ATP5F1B: variants seen among roughly 807,000 people sequenced by gnomAD.
ATP5F1B encodes ATP synthase F(1) complex subunit beta, mitochondrial.
ATP5F1B carries 17 observed loss-of-function variants against 45.9 expected under a neutral mutation model. The ratio of observed to expected loss-of-function variants is 0.37; its 90% CI spans 0.25 to 0.56. The LOEUF (loss-of-function observed/expected upper bound fraction) is 0.56, where lower values mean the gene tolerates loss of function less well. ATP5F1B is among the 20% of genes least tolerant of loss of function. The pLI is 0.80. For synonymous variants in ATP5F1B, 218 were observed against 256.5 expected (o/e 0.85, Z 1.43); for missense variants, 387 against 673.2 (o/e 0.57, Z 4.70).
At chr12:56,645,812 T>A (rs1371788114) in intron 1 of ATP5F1B, 25 bp downstream of exon 1, 12 of 1,603,786 alleles carry the variant, frequency 7.5e-6, no homozygotes, top group Non-Finnish European at 1.0e-5. Flanking sequence ...AAATGGAACG[T>A]TAGCTCCTAG....
chr12:56,643,533 T>C lies in ATP5F1B; in HGVS notation c.662A>G (p.Asn221Ser), dbSNP rs1249854938. ...ACCACCATGGGCTTTGGCGACATTG[T>C]TGATTAACTCCATGATCAGTACAGT... ...GKTVLIMELI[N>S]NVAKAHGGYS... Residue 221 changes from asparagine to serine, a missense_variant, in exon 5 of 10, where the codon AAC becomes AGC. This residue lies in a region of ATP5F1B where 154 missense variants were observed against 361.4 expected (regional missense o/e 0.43). Transcript: ENST00000262030. The C allele has an allele frequency of 2.5e-6, 4 of 1,614,182 alleles. No individual in the cohort carries two copies. Among genetic ancestry groups the C allele is most frequent in the East Asian group, 2.2e-5 (1 of 44,886 alleles).
intron 6 of ATP5F1B, 34 bp downstream of exon 6, chr12:56,642,639 G>A: frequency 6.2e-7 from 1 of 1,614,028 alleles, no homozygotes; most frequent in East Asian, 2.2e-5. Flanking sequence ...AGAAAGGCCA[G>A]ATGAACCAGG....
chr12:56,645,487 C>A, intron 1 of ATP5F1B, 134 bp from the exon 2 acceptor site: 1 of 1,089,106 alleles, frequency 9.2e-7, no homozygotes, highest in Non-Finnish European at 1.3e-6. Context: ...AACGCGTGTC[C>A]AAGAGGGAAG....
intron 4 of ATP5F1B, 125 bp from the exon 5 acceptor site, chr12:56,643,712 C>T: frequency 6.3e-7 from 1 of 1,575,004 alleles, no homozygotes; most frequent in Non-Finnish European, 8.7e-7. Flanking sequence ...CTTCAGCAAA[C>T]TCAGAAGAAC....
intron 1 of ATP5F1B, 148 bp from the exon 2 acceptor site, chr12:56,645,501 G>A (rs1951542825): frequency 3.9e-6 from 4 of 1,016,820 alleles, no homozygotes; most frequent in Non-Finnish European, 5.6e-6. Context: ...AGGGAAGGCC[G>A]CGCAGCGATC....
At position 56,643,955 on chromosome 12, in the gene ATP5F1B, A is replaced by G. The variant is rs1461420427; in HGVS notation, c.489T>C (p.Phe163=). The change falls in exon 4 of 10, where the codon TTT becomes TTC. Residue 163 remains phenylalanine, a synonymous_variant. Transcript: ENST00000262030. Reference sequence around the variant, plus strand: ...CTGGAGCCTCAGCATGAATGGGAGCAAATCTGTAAAGGTAGAAGAGAGGAT... The same window carrying G: ...CTGGAGCCTCAGCATGAATGGGAGCGAATCTGTAAAGGTAGAAGAGAGGAT... ...DERGPIKTKQ[F]APIHAEAPEF... 6.2e-7 allele frequency: 1 copy of G among 1,613,908 alleles called. No homozygotes were observed. Among genetic ancestry groups the G allele is most frequent in the Non-Finnish European group, 8.5e-7 (1 of 1,179,988 alleles).
Position 56,642,778 on chromosome 12 carries a change from T to C in ATP5F1B, c.846A>G (p.Val282=), listed in dbSNP as rs1448550997. The change falls in exon 6 of 10, where the codon GTA becomes GTG. Residue 282 remains valine, a synonymous_variant. Transcript: ENST00000262030. ...CAGCCACAGTCAGCCCAGTCAGAGC[T>C]ACCCGGGCACGAGCACCAGGTGGTT... ...MNEPPGARAR[V]ALTGLTVAEY... 5 of 1,614,030 alleles carry C rather than the reference T, an allele frequency of 3.1e-6. No individual in the cohort carries two copies. Among genetic ancestry groups the C allele is most frequent in the Non-Finnish European group, 4.2e-6 (5 of 1,180,016 alleles).
intron 8 of ATP5F1B, among the ~76,000 whole-genome samples, 195 bp downstream of exon 8, chr12:56,639,781 AAAAG>A (rs1205022663): frequency 3.3e-5 from 5 of 152,078 alleles, no homozygotes; most frequent in African/African-American, 7.2e-5. Context: ...AAAAAAAAAA[AAAAG>A]AAAGAAAAAT....
Position 56,644,784 on chromosome 12 carries a change from T to G in ATP5F1B, c.482A>C (p.Lys161Thr). Residue 161 changes from lysine to threonine, a missense_variant, in exon 3 of 10, where the codon AAA becomes ACA. By Grantham distance (78) the Lys-to-Thr change is moderately conservative. This residue lies in a region of ATP5F1B where 113 missense variants were observed against 168.0 expected (regional missense o/e 0.67). Coordinates refer to ENST00000262030, the MANE Select transcript of ATP5F1B (RefSeq NM_001686.4). ...AGATGCAATAAGAGCAACTTACTGTTTGGTTTTGATGGGACCTCTTTCATC... is the reference window on the plus strand; with the variant it reads ...AGATGCAATAAGAGCAACTTACTGTGTGGTTTTGATGGGACCTCTTTCATC... ...PIDERGPIKT[K>T]QFAPIHAEAP... The G allele has an allele frequency of 6.2e-7, 1 of 1,610,546 alleles. No individual in the cohort carries two copies. Among genetic ancestry groups the G allele is most frequent in the Admixed American group, 1.7e-5 (1 of 59,646 alleles).
intron 9 of ATP5F1B, 28 bp from the exon 10 acceptor site, chr12:56,638,451 GAGTA>G: frequency 1.3e-6 from 2 of 1,483,826 alleles, no homozygotes; most frequent in South Asian, 1.2e-5. Flanking sequence ...AAAAAAAAAA[GAGTA>G]AGAAGCGGAG....
Position 56,645,174 on chromosome 12 carries a change from A to G in ATP5F1B, c.307T>C (p.Leu103=). 2 of 1,613,992 alleles carry G rather than the reference A, an allele frequency of 1.2e-6. No individual in the cohort carries two copies. The highest frequency in any genetic ancestry group is 2.7e-5 in the African/African-American group (2 of 75,044). The change falls in exon 2 of 10, where the codon TTG becomes CTG. Residue 103 remains leucine (L), a synonymous_variant. Coordinates refer to ENST00000262030, the MANE Select transcript of ATP5F1B (RefSeq NM_001686.4). The part of the protein sequence containing the change: ...TRLVLEVAQH[L]GESTVRTIAM... ...ATTCCTAACAAACTCTACTTACCCA[A>G]ATGCTGGGCCACCTCCAAAACCAGT...
intron 7 of ATP5F1B, among the ~76,000 whole-genome samples, chr12:56,641,956 C>T (rs1036444490): frequency 1.1e-4 from 16 of 152,054 alleles, no homozygotes; most frequent in African/African-American, 3.6e-4. Context: ...AGACTAGAAA[C>T]CATTGCTTTG....
At chr12:56,640,870 T>TAAAAAA (rs59336396) in intron 7 of ATP5F1B, among the ~76,000 whole-genome samples, 1 of 99,532 alleles carries the variant, frequency 1.0e-5, no homozygotes, top group Non-Finnish European at 2.1e-5. Flanking sequence ...GGGTCTCTAC[T>TAAAAAA]AAAAAAAAAA....
Position 56,642,789 on chromosome 12 carries a change from G to A in ATP5F1B, c.835C>T (p.Arg279Cys). The change falls in exon 6 of 10, where the codon CGT becomes TGT. Residue 279 changes from arginine to cysteine, a missense_variant. Arg to Cys is a radical substitution (Grantham distance 180). This residue lies in a region of ATP5F1B where 154 missense variants were observed against 361.4 expected (regional missense o/e 0.43). Coordinates refer to ENST00000262030, the MANE Select transcript of ATP5F1B (RefSeq NM_001686.4). ...AGCCCAGTCAGAGCTACCCGGGCAC[G>A]AGCACCAGGTGGTTCATTCATTTGA... ...YGQMNEPPGA[R>C]ARVALTGLTV... 1 of 1,614,120 alleles carries A rather than the reference G, an allele frequency of 6.2e-7. No individual in the cohort carries two copies. Among genetic ancestry groups the A allele is most frequent in the Non-Finnish European group, 8.5e-7 (1 of 1,180,026 alleles).
Position 56,643,598 on chromosome 12 carries a change from T to A in ATP5F1B, c.608-11A>T. On this transcript the variant is annotated splice_polypyrimidine_tract_variant and intron_variant, in intron 4 of 9. Transcript: ENST00000262030. ...CACCACCAAAAAGCCCTATAAGAGGTTGAAAAGAAAGAATATTTAAGAGTT... is the reference window on the plus strand; with the variant it reads ...CACCACCAAAAAGCCCTATAAGAGGATGAAAAGAAAGAATATTTAAGAGTT... 1.2e-6 allele frequency: 2 copies of A among 1,613,440 alleles called. No homozygotes were observed. Among genetic ancestry groups the A allele is most frequent in the Non-Finnish European group, 1.7e-6 (2 of 1,179,712 alleles).
In ATP5F1B at chr12:56,645,953, A is replaced by G. The variant is rs1446355537; in HGVS notation, c.11T>C (p.Phe4Ser). 2 of 1,604,538 alleles carry G rather than the reference A, an allele frequency of 1.2e-6. No homozygotes were observed. Among genetic ancestry groups the G allele is most frequent in the African/African-American group, 2.7e-5 (2 of 74,966 alleles). The change falls in exon 1 of 10, where the codon TTT (phenylalanine) becomes TCT (serine). Residue 4 changes from phenylalanine (F) to serine (S), a missense_variant. By Grantham distance (155) the Phe-to-Ser change is radical. Coordinates refer to ENST00000262030, the MANE Select transcript of ATP5F1B (RefSeq NM_001686.4). ...CGGAGCAGCGGCCACCCGACCCACA[A>G]ACCCCAACATGGCGTAGTCCGGGTG... MLGFVGRVAAAPAS... is the reference protein window; with the variant it reads MLGSVGRVAAAPAS...
intron 3 of ATP5F1B, among the ~76,000 whole-genome samples, chr12:56,644,226 A>C (rs1441141538): frequency 1.3e-5 from 2 of 152,172 alleles, no homozygotes; most frequent in East Asian, 3.8e-4. Flanking sequence ...GCCTTAACCT[A>C]ACAGCATTCC....
At chr12:56,641,305 T>C (rs939177433) in intron 7 of ATP5F1B, among the ~76,000 whole-genome samples, 3 of 146,738 alleles carry the variant, frequency 2.0e-5, no homozygotes, top group African/African-American at 7.6e-5. Context: ...GAGGTTGCAG[T>C]GAGCCCAGAT....
intron 9 of ATP5F1B, 76 bp downstream of exon 9, chr12:56,639,030 T>C: frequency 6.6e-6 from 9 of 1,368,424 alleles, no homozygotes; most frequent in Non-Finnish European, 7.3e-6. Flanking sequence ...CATAGTATAT[T>C]ACATATATTG....
Sources: allele counts gnomAD v4.1 joint callset (sites outside exome capture counted in the v4.1 genomes callset), GRCh38; gene constraint gnomAD v4.1.1; regional missense constraint gnomAD v4.1.1; transcripts MANE v1.5; gene names NCBI Gene and HGNC (gene_info 2026-07-23, HGNC 2026-07-21).